Variants in CLDN14 observed in about 807,000 individuals in gnomAD.
CLDN14 encodes claudin-14.
In CLDN14, 2 loss-of-function variants were observed where a neutral mutation model predicts 2.1. That is an observed-to-expected ratio of 0.96 (90% confidence interval 0.39 to 3.01). The LOEUF is 3.01. CLDN14 is among the 30% of genes most tolerant of loss of function. CLDN14 has a pLI of 0.09. For synonymous variants in CLDN14, 136 were observed against 154.4 expected (o/e 0.88, Z 0.88); for missense variants, 298 against 328.0 (o/e 0.91, Z 0.71).
chr21:36,491,331 C>T (rs1029775405), intron 2 of CLDN14, among the ~76,000 whole-genome samples: 3 of 152,122 alleles, frequency 2.0e-5, no homozygotes, highest in Non-Finnish European at 2.9e-5. Context: ...CCTCCCTTCC[C>T]AGCTGGGCGC....
intron 2 of CLDN14, among the ~76,000 whole-genome samples, chr21:36,489,978 A>T (rs1425681869): frequency 6.6e-6 from 1 of 152,156 alleles, no homozygotes; most frequent in African/African-American, 2.4e-5. Flanking sequence ...TGAATCTCAA[A>T]CACAATTTTC....
At chr21:36,547,738 G>C (rs946245738) in intron 1 of CLDN14, among the ~76,000 whole-genome samples, 1 of 152,182 alleles carries the variant, frequency 6.6e-6, no homozygotes, top group African/African-American at 2.4e-5. Flanking sequence ...GCCGCCTGCA[G>C]CCTGGCCGGA....
chr21:36,540,525 C>T (rs73380004), intron 1 of CLDN14, among the ~76,000 whole-genome samples: 1,747 of 152,248 alleles, frequency 0.011, 36 homozygotes, highest in African/African-American at 0.039. Context: ...TGGCCTTAAC[C>T]TCTCCTACTG....
intron 1 of CLDN14, among the ~76,000 whole-genome samples, chr21:36,546,637 G>A (rs1001987365): frequency 2.6e-5 from 4 of 152,028 alleles, no homozygotes; most frequent in Admixed American, 2.0e-4. Context: ...CAATGTAAAC[G>A]CTTACCTTTT....
intron 1 of CLDN14, among the ~76,000 whole-genome samples, chr21:36,465,706 C>T (rs1055340816): frequency 2.0e-5 from 3 of 152,254 alleles, no homozygotes; most frequent in Non-Finnish European, 2.9e-5. Flanking sequence ...GGGGGAGCAG[C>T]CCATGCAGGG....
upstream of CLDN14, among the ~76,000 whole-genome samples, chr21:36,484,790 C>T (rs1453701141): frequency 2.0e-5 from 3 of 152,092 alleles, no homozygotes; most frequent in African/African-American, 4.8e-5. Flanking sequence ...CTTGGCTCAC[C>T]GCAACCTCCG....
At chr21:36,537,667 T>TTTTTA (rs2087437486) in intron 1 of CLDN14, among the ~76,000 whole-genome samples, 1 of 151,222 alleles carries the variant, frequency 6.6e-6, no homozygotes, top group African/African-American at 2.4e-5. Flanking sequence ...TTTTTTTTTT[T>TTTTTA]GAGACGGAGT....
intron 1 of CLDN14, among the ~76,000 whole-genome samples, chr21:36,556,774 T>C (rs1568880858): frequency 6.6e-6 from 1 of 152,200 alleles, no homozygotes; most frequent in East Asian, 1.9e-4. Context: ...GTGGATTCTC[T>C]TCTCTCTCTC....
At chr21:36,545,820 CAG>C (rs2087522482) in intron 1 of CLDN14, among the ~76,000 whole-genome samples, 1 of 152,260 alleles carries the variant, frequency 6.6e-6, no homozygotes, top group South Asian at 2.1e-4. Flanking sequence ...CCCAGAATTT[CAG>C]AGTCTTCAAG....
intron 1 of CLDN14, among the ~76,000 whole-genome samples, chr21:36,564,551 C>T (rs1455417430): frequency 6.6e-6 from 1 of 152,180 alleles, no homozygotes; most frequent in Non-Finnish European, 1.5e-5. Context: ...GGTGAGCAAC[C>T]TCCTAGATGT....
chr21:36,540,975 G>C (rs776421436), intron 1 of CLDN14, among the ~76,000 whole-genome samples: 71 of 152,318 alleles, frequency 4.7e-4, no homozygotes, highest in Non-Finnish European at 7.9e-4. Context: ...GGCTGTGGAG[G>C]GGGAGAGGAG....
At chr21:36,555,924 C>T (rs2087596545) in intron 1 of CLDN14, among the ~76,000 whole-genome samples, 1 of 151,740 alleles carries the variant, frequency 6.6e-6, no homozygotes, top group Non-Finnish European at 1.5e-5. Context: ...CTGATTTTGG[C>T]CGCACTTCTC....
chr21:36,515,632 C>G (rs1216808939), intron 1 of CLDN14, among the ~76,000 whole-genome samples: 1 of 148,194 alleles, frequency 6.7e-6, no homozygotes, highest in Non-Finnish European at 1.5e-5. Flanking sequence ...GAGATCACAC[C>G]ATTGCACTCC....
chr21:36,491,741 C>T (rs1239413665), intron 2 of CLDN14, among the ~76,000 whole-genome samples: 3 of 151,988 alleles, frequency 2.0e-5, no homozygotes, highest in Non-Finnish European at 1.5e-5. Context: ...TGTAGGAGGC[C>T]GGGGACTACT....
rs140671150 is a variant in CLDN14, at chr21:36,461,270, G to A, written c.426C>T (p.Asp142=). The change falls in exon 2 of 2, where the codon GAC becomes GAT. Residue 142 remains aspartate (D), a synonymous_variant. Transcript: ENST00000399135. ...GCGGGTTGTAGAAGTTCTGCACCAC[G>A]TCGTTGGTGGTCCAGGAGACGGCCA... The part of the protein sequence containing the change: ...CMVAVSWTTN[D]VVQNFYNPLL... 1.1e-5 allele frequency: 17 copies of A among 1,613,874 alleles called. No homozygotes were observed. The highest frequency in any genetic ancestry group is 8.9e-5 in the East Asian group (4 of 44,880).
chr21:36,531,648 G>A (rs2087380878), intron 1 of CLDN14, among the ~76,000 whole-genome samples: 1 of 151,118 alleles, frequency 6.6e-6, no homozygotes, highest in South Asian at 2.1e-4. Flanking sequence ...GTCCCTCCTG[G>A]TGGAATGGGG....
chr21:36,513,938 C>T (rs570065830), intron 1 of CLDN14, among the ~76,000 whole-genome samples: 3 of 152,152 alleles, frequency 2.0e-5, no homozygotes, highest in Middle Eastern at 3.2e-3. Context: ...CTCAAGCAAT[C>T]GTCCCATCTC....
chr21:36,472,794 TTC>T (rs780876347), intron 1 of CLDN14, among the ~76,000 whole-genome samples: 116 of 152,264 alleles, frequency 7.6e-4, no homozygotes, highest in Middle Eastern at 3.4e-3. Flanking sequence ...GAGGAAATCT[TTC>T]TCTCTTTCCC....
At chr21:36,538,038 T>C (rs2087443892) in intron 1 of CLDN14, among the ~76,000 whole-genome samples, 1 of 152,042 alleles carries the variant, frequency 6.6e-6, no homozygotes, top group African/African-American at 2.4e-5. Flanking sequence ...GAGAGAAAAC[T>C]GTATATGACA....
Sources: gnomAD v4.1 joint callset for allele counts (sites outside exome capture counted in the v4.1 genomes callset) on GRCh38, gnomAD v4.1.1 for gene constraint, MANE v1.5 for transcripts, NCBI Gene and HGNC (gene_info 2026-07-23, HGNC 2026-07-21) for gene names.